Variants in ANXA8 observed in about 807,000 individuals in gnomAD.
The protein encoded by ANXA8 is annexin A8, also known as VAC-beta.
Under a neutral mutation model 26.8 loss-of-function variants are expected in ANXA8, and 9 were observed. The ratio of observed to expected loss-of-function variants is 0.34; its 90% CI spans 0.20 to 0.59. The LOEUF (loss-of-function observed/expected upper bound fraction) is 0.59, where lower values mean the gene tolerates loss of function less well. Ranked by LOEUF, ANXA8 falls within the 20% of genes least tolerant of loss-of-function variation. The pLI is 0.84. For synonymous variants in ANXA8, 39 were observed against 94.8 expected (o/e 0.41, Z 3.42); for missense variants, 83 against 238.5 (o/e 0.35, Z 4.29).
At chr10:47,658,735 T>C in the ANXA8 span, among the ~76,000 whole-genome samples, 2 of 140,722 alleles carry the variant, frequency 1.4e-5, no homozygotes, top group Non-Finnish European at 3.0e-5. Flanking sequence ...TTGCAACTTC[T>C]GTAACCTTGA....
the ANXA8 span, among the ~76,000 whole-genome samples, chr10:47,554,046 A>G: frequency 6.7e-6 from 1 of 149,384 alleles, no homozygotes; most frequent in Non-Finnish European, 1.5e-5. Context: ...CCGAGGCAGG[A>G]GGATTGCTTG....
chr10:47,737,252 T>C, the ANXA8 span, among the ~76,000 whole-genome samples: 2 of 151,694 alleles, frequency 1.3e-5, no homozygotes, highest in South Asian at 2.1e-4. Context: ...TAGCTTCTTT[T>C]CTACTATAAG....
chr10:47,621,230 C>T, the ANXA8 span, among the ~76,000 whole-genome samples: 2 of 103,858 alleles, frequency 1.9e-5, 1 homozygote, highest in Non-Finnish European at 4.1e-5. Context: ...AGTTCATACT[C>T]ATCTTCTGAA....
chr10:47,949,632 A>G, the ANXA8 span, among the ~76,000 whole-genome samples: 1 of 150,774 alleles, frequency 6.6e-6, no homozygotes, highest in Non-Finnish European at 1.5e-5. Context: ...GACAGAATGG[A>G]GGAAACAGAA....
chr10:47,653,852 G>A, the ANXA8 span, among the ~76,000 whole-genome samples: 2 of 148,538 alleles, frequency 1.3e-5, no homozygotes, highest in Admixed American at 6.6e-5. Flanking sequence ...CACCATGCTG[G>A]CCAGGCTGGT....
At chr10:47,990,912 C>T in the ANXA8 span, among the ~76,000 whole-genome samples, 1 of 151,062 alleles carries the variant, frequency 6.6e-6, no homozygotes, top group Non-Finnish European at 1.5e-5. Context: ...GAGAACCCAT[C>T]AGTTCTGCTG....
At chr10:47,474,506 C>T in intron 7 of ANXA8, 108 bp from the exon 8 acceptor site, 1 of 726,668 alleles carries the variant, frequency 1.4e-6, no homozygotes. Context: ...TCCACTCTGC[C>T]AGGCCAGCAT....
the ANXA8 span, among the ~76,000 whole-genome samples, chr10:47,775,321 C>T: frequency 2.7e-5 from 4 of 147,400 alleles, no homozygotes; most frequent in Admixed American, 2.0e-4. Context: ...TGCAGTGAGC[C>T]GAGATTGCGC....
the ANXA8 span, chr10:47,588,721 A>G: frequency 1.4e-5 from 2 of 146,470 alleles, no homozygotes; most frequent in African/African-American, 2.7e-5. Flanking sequence ...TGTGGAATCA[A>G]AGACAGAATT....
the ANXA8 span, among the ~76,000 whole-genome samples, chr10:47,923,776 G>A: frequency 1.2e-4 from 6 of 49,674 alleles, 3 homozygotes; most frequent in Admixed American, 1.1e-3. Flanking sequence ...TCCTCTCCTC[G>A]ATGAGATGGC....
At chr10:47,646,172 G>C in the ANXA8 span, among the ~76,000 whole-genome samples, 5 of 145,804 alleles carry the variant, frequency 3.4e-5, no homozygotes. Context: ...ATCTGTCTTA[G>C]TTATCTATCT....
chr10:47,761,102 G>A, the ANXA8 span, among the ~76,000 whole-genome samples: 249 of 145,454 alleles, frequency 1.7e-3, 1 homozygote, highest in Middle Eastern at 3.5e-3. Flanking sequence ...ACACACACAC[G>A]CACACACACA....
the ANXA8 span, among the ~76,000 whole-genome samples, chr10:47,573,878 G>A: frequency 6.7e-6 from 1 of 150,324 alleles, no homozygotes; most frequent in African/African-American, 2.5e-5. Context: ...GGTATAAAAA[G>A]CAGTCCTTGA....
the ANXA8 span, among the ~76,000 whole-genome samples, chr10:47,768,178 T>C: frequency 6.6e-6 from 1 of 151,436 alleles, no homozygotes; most frequent in African/African-American, 2.4e-5. Context: ...TGGGATCTTT[T>C]CAGCAAGGGC....
the ANXA8 span, among the ~76,000 whole-genome samples, chr10:47,718,206 C>CA: frequency 6.6e-6 from 1 of 152,188 alleles, no homozygotes; most frequent in Admixed American, 6.5e-5. Flanking sequence ...CACATTGGCT[C>CA]AAGCCTGTAA....
chr10:47,497,861 C>T, the ANXA8 span, among the ~76,000 whole-genome samples: 1 of 151,914 alleles, frequency 6.6e-6, no homozygotes, highest in Admixed American at 6.6e-5. Flanking sequence ...ATCACTTGAA[C>T]CCAGAAGGCA....
At chr10:47,652,365 G>A in the ANXA8 span, among the ~76,000 whole-genome samples, 108 of 151,874 alleles carry the variant, frequency 7.1e-4, no homozygotes, top group Admixed American at 1.0e-3. Flanking sequence ...GGGAGGCCGA[G>A]GCGAGTGGAT....
At chr10:47,516,349 TG>T in the ANXA8 span, among the ~76,000 whole-genome samples, 1 of 95,420 alleles carries the variant, frequency 1.0e-5, no homozygotes, top group African/African-American at 4.4e-5. Context: ...AAAACCTGGT[TG>T]TAAATAACAT....
the ANXA8 span, among the ~76,000 whole-genome samples, chr10:47,947,435 G>A: frequency 6.9e-6 from 1 of 144,640 alleles, no homozygotes; most frequent in Non-Finnish European, 1.5e-5. Context: ...AGAGGAGGGA[G>A]TAATGTACAG....
Sources: allele counts gnomAD v4.1 joint callset (sites outside exome capture counted in the v4.1 genomes callset), GRCh38; gene constraint gnomAD v4.1.1; transcripts MANE v1.5; gene names NCBI Gene and HGNC (gene_info 2026-07-23, HGNC 2026-07-21).